The following COMMD10 variants were observed in gnomAD, a reference collection of about 807,000 sequenced individuals.
COMMD10 encodes COMM domain containing 10, also known as COMM domain-containing protein 10.
A neutral mutation model predicts 28.9 loss-of-function variants in COMMD10; 33 were observed. The observed-to-expected ratio is 1.14, with a 90% confidence interval of 0.87 to 1.53. The LOEUF is 1.53. Ranked by LOEUF, COMMD10 falls within the 40% of genes most tolerant of loss-of-function variation. COMMD10 has a pLI of 0.00. For missense variants in COMMD10, 310 were observed against 233.4 expected (o/e 1.33, Z -2.14); for synonymous variants, 110 against 81.7 (o/e 1.35, Z -1.87).
chr5:116,123,692 C>G (rs1363894927), intron 4 of COMMD10, among the ~76,000 whole-genome samples: 1 of 152,158 alleles, frequency 6.6e-6, no homozygotes, highest in Admixed American at 6.5e-5. Flanking sequence ...ATGAATCTGT[C>G]TGGTCCTTGG....
intron 5 of COMMD10, among the ~76,000 whole-genome samples, chr5:116,152,026 G>T (rs527611796): frequency 6.6e-6 from 1 of 152,044 alleles, no homozygotes; most frequent in Non-Finnish European, 1.5e-5. Context: ...ACACTGCTTT[G>T]AATGTGTCCC....
intron 5 of COMMD10, among the ~76,000 whole-genome samples, chr5:116,153,896 G>T (rs74352194): frequency 0.028 from 4,292 of 152,122 alleles, 104 homozygotes; most frequent in East Asian, 0.14. Flanking sequence ...AATTGTTCCT[G>T]TTTTTTTCCT....
intron 4 of COMMD10, among the ~76,000 whole-genome samples, chr5:116,131,339 G>A (rs1751853722): frequency 6.6e-6 from 1 of 151,736 alleles, no homozygotes; most frequent in African/African-American, 2.4e-5. Flanking sequence ...TTCTGGACAT[G>A]CTTTGGCCTG....
intron 5 of COMMD10, among the ~76,000 whole-genome samples, chr5:116,227,424 C>G (rs1008983502): frequency 1.3e-5 from 2 of 151,986 alleles, no homozygotes; most frequent in Non-Finnish European, 2.9e-5. Flanking sequence ...TTGTCTTTCA[C>G]AAGATCTTTG....
chr5:116,167,037 T>C (rs1753143719), intron 5 of COMMD10, among the ~76,000 whole-genome samples: 1 of 151,960 alleles, frequency 6.6e-6, no homozygotes, highest in Non-Finnish European at 1.5e-5. Flanking sequence ...GAAAATGGGT[T>C]ATAACAAACT....
chr5:116,196,369 A>T (rs1748521751), intron 5 of COMMD10, among the ~76,000 whole-genome samples: 2 of 152,130 alleles, frequency 1.3e-5, no homozygotes, highest in Non-Finnish European at 2.9e-5. Flanking sequence ...GGGGTGAGGG[A>T]TAAAAGACTA....
At chr5:116,232,312 G>A (rs1310877278) in intron 5 of COMMD10, among the ~76,000 whole-genome samples, 1 of 151,068 alleles carries the variant, frequency 6.6e-6, no homozygotes, top group Non-Finnish European at 1.5e-5. Flanking sequence ...AATGAGTATT[G>A]CACTGCAGAT....
chr5:116,104,882 G>A (rs898599278), intron 4 of COMMD10, among the ~76,000 whole-genome samples: 3 of 152,198 alleles, frequency 2.0e-5, no homozygotes, highest in Non-Finnish European at 4.4e-5. Flanking sequence ...GCCTCCCAAA[G>A]TGCTGGGATT....
chr5:116,270,424 A>G (rs745495380), intron 5 of COMMD10, among the ~76,000 whole-genome samples: 1 of 151,922 alleles, frequency 6.6e-6, no homozygotes, highest in Non-Finnish European at 1.5e-5. Context: ...TGTGGAGAAG[A>G]TATTGACTGT....
intron 5 of COMMD10, among the ~76,000 whole-genome samples, chr5:116,241,962 T>C (rs1231731696): frequency 6.6e-6 from 1 of 152,132 alleles, no homozygotes; most frequent in Non-Finnish European, 1.5e-5. Context: ...TCTCAGAGGA[T>C]CCCTCAACTC....
intron 5 of COMMD10, among the ~76,000 whole-genome samples, chr5:116,242,520 T>A (rs966332998): frequency 1.3e-5 from 2 of 152,150 alleles, no homozygotes; most frequent in African/African-American, 4.8e-5. Flanking sequence ...GGGGTTTAGA[T>A]TGAGTTTTTT....
chr5:116,284,667 T>C (rs1751171173), intron 5 of COMMD10, among the ~76,000 whole-genome samples: 1 of 151,958 alleles, frequency 6.6e-6, no homozygotes, highest in Admixed American at 6.6e-5. Flanking sequence ...CAGGAGTTTC[T>C]ACATTTTCCA....
chr5:116,119,328 G>A (rs1751344655), intron 4 of COMMD10, among the ~76,000 whole-genome samples: 1 of 152,140 alleles, frequency 6.6e-6, no homozygotes, highest in Admixed American at 6.5e-5. Flanking sequence ...TTGTAATAAG[G>A]CATTTGCACT....
intron 5 of COMMD10, among the ~76,000 whole-genome samples, chr5:116,161,737 T>C (rs1396404053): frequency 6.6e-6 from 1 of 152,050 alleles, no homozygotes; most frequent in Non-Finnish European, 1.5e-5. Context: ...CATCTTCATG[T>C]TGAATAGGAG....
rs771318731 is a variant in COMMD10, at chr5:116,087,581, C to T, written c.126C>T (p.His42=). The change falls in exon 2 of 7, where the codon CAC becomes CAT. Residue 42 remains histidine, a synonymous_variant. Transcript: ENST00000274458. ...RLLTRILQKL[H]LKAESSFSEE... is the part of the protein sequence containing the mutation. Reference sequence around the variant, plus strand: ...TCACTCGGATTCTTCAAAAACTTCACCTGAAGGTTTGTATTTGTGTGTTTC... The same window carrying T: ...TCACTCGGATTCTTCAAAAACTTCATCTGAAGGTTTGTATTTGTGTGTTTC... 6.3e-7 allele frequency: 1 copy of T among 1,596,870 alleles called. No homozygotes were observed. The highest frequency in any genetic ancestry group is 1.1e-5 in the South Asian group (1 of 90,728).
At position 116,097,269 on chromosome 5, in the gene COMMD10, A is replaced by G. The variant is rs11740163; in HGVS notation, c.399+4569A>G. Among the ~76,000 whole-genome samples the G allele has an allele frequency of 5.4e-3, 826 of 152,084 alleles. 5 individuals carry two copies. The highest frequency in any genetic ancestry group is 9.2e-3 in the Non-Finnish European group (621 of 67,846). On this transcript the variant is annotated intron_variant, in intron 4 of 6. Coordinates refer to ENST00000274458, the MANE Select transcript of COMMD10 (RefSeq NM_016144.4). Reference sequence around the variant, plus strand: ...GGGTATATCATAGGATTGCTAATATACTATTTTAAAGTCTGAAATGCTTAA... The same window carrying G: ...GGGTATATCATAGGATTGCTAATATGCTATTTTAAAGTCTGAAATGCTTAA...
At chr5:116,240,245 G>A (rs537851493) in intron 5 of COMMD10, among the ~76,000 whole-genome samples, 68 of 152,098 alleles carry the variant, frequency 4.5e-4, no homozygotes, top group African/African-American at 1.6e-3. Flanking sequence ...AAAGAAAAAA[G>A]ATGAAGAAAA....
chr5:116,263,640 A>G (rs1167241845), intron 5 of COMMD10, among the ~76,000 whole-genome samples: 1 of 151,676 alleles, frequency 6.6e-6, no homozygotes, highest in East Asian at 1.9e-4. Flanking sequence ...CTTGGTCTCC[A>G]CAATCGTTTT....
rs550833199 is a variant in COMMD10 at position 116,171,568 on chromosome 5, G to T, written c.510+37390G>T. Among the ~76,000 whole-genome samples, 38 of 152,200 alleles carry T rather than the reference G, an allele frequency of 2.5e-4. 1 individual carries two copies. The highest frequency in any genetic ancestry group is 1.6e-3 in the Admixed American group (24 of 15,288). ...GCACAATTTACAATAGCAAAGACTTGGAACCAACCCAAATGCCCATCAATG... is the reference window on the plus strand; with the variant it reads ...GCACAATTTACAATAGCAAAGACTTTGAACCAACCCAAATGCCCATCAATG... On this transcript the variant is annotated intron_variant, in intron 5 of 6. Transcript: ENST00000274458.
Sources: allele counts gnomAD v4.1 joint callset (sites outside exome capture counted in the v4.1 genomes callset), GRCh38; gene constraint gnomAD v4.1.1; transcripts MANE v1.5; gene names NCBI Gene and HGNC (gene_info 2026-07-23, HGNC 2026-07-21).